The following KRIT1 variants were observed in gnomAD, a reference collection of about 807,000 sequenced individuals.
KRIT1 encodes KRIT1 ankyrin repeat containing, also known as krev interaction trapped protein 1.
In KRIT1, 45 loss-of-function variants were observed where a neutral mutation model predicts 95.8. That is an observed-to-expected ratio of 0.47 (90% CI 0.37 to 0.60). The LOEUF (loss-of-function observed/expected upper bound fraction) is 0.60, where lower values mean the gene tolerates loss of function less well. KRIT1 is among the 20% of genes least tolerant of loss of function. The pLI is 0.00. For missense variants in KRIT1, 788 were observed against 877.5 expected, an observed-to-expected ratio of 0.90 and a Z score of 1.29; for synonymous variants, 282 against 278.8, an observed-to-expected ratio of 1.01 and a Z score of -0.11.
intron 10 of KRIT1, among the ~76,000 whole-genome samples, chr7:92,231,761 T>C (rs370054535): frequency 1.3e-5 from 2 of 152,208 alleles, no homozygotes; most frequent in African/African-American, 2.4e-5. Flanking sequence ...TGACCCATAC[T>C]ACTCCTGTTA....
intron 17 of KRIT1, chr7:92,206,743 T>C (rs1791577882): frequency 6.6e-6 from 1 of 151,544 alleles, no homozygotes; most frequent in Admixed American, 6.6e-5. Flanking sequence ...AATTTTGAAA[T>C]GCCTAACAAA....
Position 92,242,123 on chromosome 7 carries a change from C to T in KRIT1, c.13G>A (p.Glu5Lys). The T allele has an allele frequency of 6.3e-7, 1 of 1,582,848 alleles. No individual in the cohort carries two copies. Among genetic ancestry groups the T allele is most frequent in the Non-Finnish European group, 8.7e-7 (1 of 1,152,022 alleles). Residue 5 changes from glutamate (E) to lysine (K), a missense_variant, in exon 4 of 19, where the codon GAA becomes AAA. Coordinates refer to ENST00000394505, the MANE Select transcript of KRIT1 (RefSeq NM_194454.3). ...GCAACATATGCATCTTCTATGTTTT[C>T]TGGATTTCCCATTGCTTTACAAAAC... MGNP[E>K]NIEDAYVAVI...
At chr7:92,229,874 T>C (rs1040087870) in intron 10 of KRIT1, among the ~76,000 whole-genome samples, 3 of 152,150 alleles carry the variant, frequency 2.0e-5, no homozygotes, top group Non-Finnish European at 4.4e-5. Flanking sequence ...AAATGTTTAG[T>C]AGGCAACTTG....
At position 92,199,802 on chromosome 7, in the gene KRIT1, C is replaced by T. The variant is rs1036141797; in HGVS notation, c.*934G>A. Reference sequence around the variant, plus strand: ...AATTTAAGTTCACAAGGCCATGCTACTTCCAGAGAGTGAATGCCCTTGTTT... The same window carrying T: ...AATTTAAGTTCACAAGGCCATGCTATTTCCAGAGAGTGAATGCCCTTGTTT... On this transcript the variant is annotated 3_prime_UTR_variant, in exon 19 of 19. Coordinates refer to ENST00000394505, the MANE Select transcript of KRIT1 (RefSeq NM_194454.3). 2 of 152,180 alleles carry T rather than the reference C, an allele frequency of 1.3e-5. No individual in the cohort carries two copies. Among genetic ancestry groups the T allele is most frequent in the African/African-American group, 2.4e-5 (1 of 41,438 alleles). The allele number at this position is 152,180 out of a possible 1,614,324, so 9.4% of individuals were successfully genotyped here. A position where few individuals can be genotyped will look rare whatever the true frequency, so the allele number is the denominator to read the frequency against.
At chr7:92,235,704 A>T (rs1015465970) in intron 7 of KRIT1, 58 bp from the exon 8 acceptor site, 1 of 1,546,758 alleles carries the variant, frequency 6.5e-7, no homozygotes, top group Non-Finnish European at 8.9e-7. Context: ...TGAAAAAGAT[A>T]GATTACTATC....
chr7:92,222,539 G>C (rs1795346407), intron 13 of KRIT1, among the ~76,000 whole-genome samples: 2 of 152,286 alleles, frequency 1.3e-5, no homozygotes, highest in East Asian at 3.9e-4. Flanking sequence ...AAGGCAAGTT[G>C]CATTAGCACA....
At chr7:92,241,960 T>C in intron 4 of KRIT1, 74 bp downstream of exon 4, 1 of 851,280 alleles carries the variant, frequency 1.2e-6, no homozygotes, top group East Asian at 2.4e-5. Flanking sequence ...CAAGATATAA[T>C]AAGGCTTTAT....
At chr7:92,219,699 C>T (rs545897086) in intron 14 of KRIT1, among the ~76,000 whole-genome samples, 16 of 152,176 alleles carry the variant, frequency 1.1e-4, no homozygotes, top group Non-Finnish European at 2.1e-4. Context: ...CTGTTAGGGA[C>T]TGCATTAAAT....
rs149153479 is a variant in KRIT1, at chr7:92,207,714, A to G, written c.2025+5481T>C. ...TCTACTAAAAATACAAAAATTAGCC[A>G]GGTGTGGTGGCACATGCCTGTAATC... On this transcript the variant is annotated intron_variant, in intron 17 of 18. Coordinates refer to ENST00000394505, the MANE Select transcript of KRIT1 (RefSeq NM_194454.3). Among the ~76,000 whole-genome samples the G allele has an allele frequency of 2.9e-3, 444 of 152,154 alleles. 4 individuals carry two copies. Among genetic ancestry groups the G allele is most frequent in the African/African-American group, 0.01 (422 of 41,530 alleles).
At chr7:92,236,789 T>C (rs1267145623) in intron 6 of KRIT1, among the ~76,000 whole-genome samples, 1 of 152,170 alleles carries the variant, frequency 6.6e-6, no homozygotes, top group Non-Finnish European at 1.5e-5. Context: ...TCAACAATGC[T>C]GTAAAACTCA....
Position 92,234,857 on chromosome 7 carries a change from G to A in KRIT1, c.796C>T (p.Pro266Ser), listed in dbSNP as rs750740699. 8.7e-6 allele frequency: 14 copies of A among 1,610,678 alleles called. No individual in the cohort carries two copies. In the Admixed American group the frequency reaches 1.0e-4, roughly 12 times the overall value. The change falls in exon 9 of 19, where the codon CCT becomes TCT. Residue 266 changes from proline to serine, a missense_variant. By Grantham distance (74) the Pro-to-Ser change is moderately conservative. Around this residue, in one of 3 missense-constraint regions of KRIT1, gnomAD observed 493 missense variants for 582.3 expected, o/e 0.85. Transcript: ENST00000394505. Reference protein sequence around the residue: ...GAPDYSKIQIPKQEKWQRSMS... With the variant: ...GAPDYSKIQISKQEKWQRSMS... ...CTTCTCTGCCATTTTTCCTGTTTAG[G>A]TATTTGGATTTTTGAGTAGTCTGGA...
upstream of KRIT1, chr7:92,246,057 G>A (rs58075588): frequency 0.016 from 4,469 of 279,536 alleles, 206 homozygotes; most frequent in African/African-American, 0.1. Context: ...GCGACTAGGA[G>A]ACTAGGGTGG....
At chr7:92,228,629 G>A (rs769226459) in intron 10 of KRIT1, among the ~76,000 whole-genome samples, 1 of 152,042 alleles carries the variant, frequency 6.6e-6, no homozygotes, top group Non-Finnish European at 1.5e-5. Flanking sequence ...ACATGTGCGG[G>A]TTTGTTACAT....
intron 17 of KRIT1, among the ~76,000 whole-genome samples, chr7:92,209,471 C>CA (rs1584766268): frequency 6.6e-6 from 1 of 152,132 alleles, no homozygotes; most frequent in South Asian, 2.1e-4. Context: ...TAGACTCTAC[C>CA]AAAAAACTAA....
At chr7:92,232,818 C>G (rs1026310857) in intron 10 of KRIT1, among the ~76,000 whole-genome samples, 25 of 152,234 alleles carry the variant, frequency 1.6e-4, no homozygotes, top group Non-Finnish European at 2.1e-4. Context: ...CTCAGCCTCC[C>G]AAGTAGCTGG....
At chr7:92,237,084 T>A (rs1798591731) in intron 6 of KRIT1, among the ~76,000 whole-genome samples, 1 of 152,100 alleles carries the variant, frequency 6.6e-6, no homozygotes, top group South Asian at 2.1e-4. Context: ...AGCAATATTG[T>A]CCCTATTTTA....
chr7:92,225,928 C>T, intron 11 of KRIT1, 101 bp from the exon 12 acceptor site: 1 of 711,576 alleles, frequency 1.4e-6, no homozygotes. Flanking sequence ...AAAAGAGACT[C>T]TTGTCAAGTA....
chr7:92,218,740 G>A (rs75457852), intron 14 of KRIT1, among the ~76,000 whole-genome samples: 17,347 of 151,886 alleles, frequency 0.11, 1,137 homozygotes, highest in East Asian at 0.36. Flanking sequence ...ATATATTCTG[G>A]ATAGTAAACC....
At chr7:92,233,262 G>C (rs372003122) in intron 10 of KRIT1, among the ~76,000 whole-genome samples, 2 of 151,602 alleles carry the variant, frequency 1.3e-5, no homozygotes, top group Non-Finnish European at 2.9e-5. Flanking sequence ...AAAGAATTTC[G>C]AGTTGGAAGA....
Sources: gnomAD v4.1 joint callset for allele counts (sites outside exome capture counted in the v4.1 genomes callset) on GRCh38, gnomAD v4.1.1 for gene constraint, gnomAD v4.1.1 regional missense constraint, MANE v1.5 for transcripts, NCBI Gene and HGNC (gene_info 2026-07-23, HGNC 2026-07-21) for gene names.